Variants in EEF1AKMT2 observed in about 807,000 individuals in gnomAD.
The protein encoded by EEF1AKMT2 is EEF1A lysine methyltransferase 2, also known as eukaryotic translation elongation factor 1 alpha lysine methyltransferase 2.
In EEF1AKMT2, 32 loss-of-function variants were observed where a neutral mutation model predicts 35.8. The observed-to-expected ratio is 0.89, with a 90% CI of 0.67 to 1.20. The LOEUF is 1.20. EEF1AKMT2 is among the 50% of genes most tolerant of loss of function. EEF1AKMT2 has a pLI of 0.00. For synonymous variants in EEF1AKMT2, 121 were observed against 133.7 expected (o/e 0.91, Z 0.65); for missense variants, 330 against 347.5 (o/e 0.95, Z 0.40).
chr10:124,791,621 G>C, intron 1 of EEF1AKMT2, 103 bp downstream of exon 1: 2 of 1,490,668 alleles, frequency 1.3e-6, no homozygotes, highest in Admixed American at 4.1e-5. Flanking sequence ...CGCCCCCGAG[G>C]GTCTCCCTGT....
At chr10:124,776,669 C>A (rs1413577232) in intron 3 of EEF1AKMT2, among the ~76,000 whole-genome samples, 2 of 151,652 alleles carry the variant, frequency 1.3e-5, no homozygotes, top group Admixed American at 6.6e-5. Flanking sequence ...GTGGTGAGTG[C>A]CTGTAATCCC....
intron 4 of EEF1AKMT2, among the ~76,000 whole-genome samples, chr10:124,773,919 C>CA (rs1564904515): frequency 6.6e-6 from 1 of 151,722 alleles, no homozygotes; most frequent in Non-Finnish European, 1.5e-5. Context: ...TTTGGGAAGC[C>CA]AAAAAAACAG....
intron 3 of EEF1AKMT2, among the ~76,000 whole-genome samples, chr10:124,779,914 T>A (rs865832350): frequency 2.0e-5 from 3 of 150,250 alleles, no homozygotes; most frequent in Middle Eastern, 3.4e-3. Context: ...ATACAAAAAA[T>A]TAGCCAGGCG....
chr10:124,782,444 T>C (rs1465039990), intron 3 of EEF1AKMT2, among the ~76,000 whole-genome samples: 3 of 151,036 alleles, frequency 2.0e-5, no homozygotes, highest in Admixed American at 6.6e-5. Flanking sequence ...TAGCCGGGCG[T>C]GGTAGCGGGC....
At chr10:124,765,267 A>T in intron 5 of EEF1AKMT2, 125 bp downstream of exon 5, 1 of 733,542 alleles carries the variant, frequency 1.4e-6, no homozygotes, top group Non-Finnish European at 2.3e-6. Flanking sequence ...TAATTAACAG[A>T]GAAAAAAGCA....
At chr10:124,783,733 C>CT (rs1950562530) in intron 3 of EEF1AKMT2, among the ~76,000 whole-genome samples, 1 of 152,178 alleles carries the variant, frequency 6.6e-6, no homozygotes, top group Non-Finnish European at 1.5e-5. Flanking sequence ...CAGCCTCGAC[C>CT]TCCTCAGGCT....
chr10:124,788,909 T>C lies in EEF1AKMT2; in HGVS notation c.291+134A>G, dbSNP rs371698977. ...CTCACAATCCATGTAGCCTCCCTTT[T>C]GTACTATCTGACTTCTCCAAGTATG... On this transcript the variant is annotated intron_variant, in intron 3 of 6. Transcript: ENST00000368836. The C allele has an allele frequency of 1.8e-4, 111 of 623,210 alleles. 3 individuals carry two copies. Among genetic ancestry groups the C allele is most frequent in the South Asian group, 1.6e-3 (78 of 49,898 alleles). The allele number at this position is 623,210 out of a possible 1,614,324, so 38.6% of individuals were successfully genotyped here. A position where few individuals can be genotyped will look rare whatever the true frequency, so the allele number is the denominator to read the frequency against.
chr10:124,786,225 G>A (rs1205633506), intron 3 of EEF1AKMT2, among the ~76,000 whole-genome samples: 1 of 152,016 alleles, frequency 6.6e-6, no homozygotes, highest in African/African-American at 2.4e-5. Context: ...AGAATTTCAG[G>A]GCCGGGCGTG....
chr10:124,781,636 A>T (rs1173625577), intron 3 of EEF1AKMT2, among the ~76,000 whole-genome samples: 2 of 141,464 alleles, frequency 1.4e-5, no homozygotes, highest in Non-Finnish European at 3.1e-5. Context: ...AAAAAAAAAC[A>T]CTCCTTAGGA....
intron 2 of EEF1AKMT2, among the ~76,000 whole-genome samples, chr10:124,789,986 G>T (rs1344034981): frequency 6.6e-6 from 1 of 151,596 alleles, no homozygotes; most frequent in Non-Finnish European, 1.5e-5. Flanking sequence ...CCGCCTCCCA[G>T]GTTCAAATGA....
At chr10:124,766,276 T>C (rs914449025) in intron 4 of EEF1AKMT2, 6 of 152,046 alleles carry the variant, frequency 3.9e-5, no homozygotes, top group Admixed American at 2.0e-4. Context: ...CTATTATCAC[T>C]GCTTCACTTG....
intron 4 of EEF1AKMT2, among the ~76,000 whole-genome samples, chr10:124,769,048 A>G (rs1055320561): frequency 4.7e-5 from 7 of 149,436 alleles, no homozygotes; most frequent in Non-Finnish European, 8.9e-5. Flanking sequence ...GGGCAACATG[A>G]CAAAACCCCA....
rs1950307077 is a variant in EEF1AKMT2, at chr10:124,758,802, T to C, written c.*1701A>G. 6.6e-6 allele frequency: 1 copy of C among 152,158 alleles called. No individual in the cohort carries two copies. 9.4% of individuals were successfully genotyped at this position (152,158 alleles called of 1,614,324 possible). A position where few individuals can be genotyped will look rare whatever the true frequency, so the allele number is the denominator to read the frequency against. On this transcript the variant is annotated 3_prime_UTR_variant, in exon 7 of 7. Transcript: ENST00000368836. The stretch of plus-strand genomic sequence containing the variant: ...CTATAAAAGTTTCTACAGTTTAAGA[T>C]CTCCTGTCTTGGTAAAATCAACACA...
At chr10:124,776,594 C>T (rs1467294080) in intron 3 of EEF1AKMT2, among the ~76,000 whole-genome samples, 1 of 151,954 alleles carries the variant, frequency 6.6e-6, no homozygotes, top group Non-Finnish European at 1.5e-5. Flanking sequence ...TCAAGACCAG[C>T]CTGGCCAACA....
chr10:124,763,642 ATAGT>A (rs1352428249), intron 5 of EEF1AKMT2, among the ~76,000 whole-genome samples: 1 of 151,986 alleles, frequency 6.6e-6, no homozygotes, highest in Non-Finnish European at 1.5e-5. Flanking sequence ...AGTTTACTTA[ATAGT>A]TTTCAGACAA....
chr10:124,762,188 C>T, intron 6 of EEF1AKMT2, 112 bp downstream of exon 6: 1 of 836,734 alleles, frequency 1.2e-6, no homozygotes, highest in Non-Finnish European at 1.5e-6. Flanking sequence ...ATCAAATTCA[C>T]TGTGATTTTG....
chr10:124,789,204 TCAC>T (rs1950614002), intron 2 of EEF1AKMT2, 47 bp from the exon 3 acceptor site: 5 of 1,263,150 alleles, frequency 4.0e-6, no homozygotes, highest in Non-Finnish European at 5.8e-6. Context: ...AGAGCAAAAG[TCAC>T]CACTATATTC....
chr10:124,762,823 T>C (rs1469121057), intron 5 of EEF1AKMT2, among the ~76,000 whole-genome samples: 1 of 152,188 alleles, frequency 6.6e-6, no homozygotes, highest in Non-Finnish European at 1.5e-5. Context: ...CATGCATAGT[T>C]ATACACCCAT....
At chr10:124,777,989 C>T (rs1950502263) in intron 3 of EEF1AKMT2, among the ~76,000 whole-genome samples, 2 of 151,838 alleles carry the variant, frequency 1.3e-5, no homozygotes, top group Middle Eastern at 3.2e-3. Flanking sequence ...CACAGGGGTT[C>T]GAGACCAGCG....
Sources: allele counts gnomAD v4.1 joint callset (sites outside exome capture counted in the v4.1 genomes callset), GRCh38; gene constraint gnomAD v4.1.1; transcripts MANE v1.5; gene names NCBI Gene and HGNC (gene_info 2026-07-23, HGNC 2026-07-21).